Variants in DCLK1 observed in about 807,000 individuals in gnomAD.
DCLK1 encodes the protein serine/threonine-protein kinase DCLK1.
In DCLK1, 16 loss-of-function variants were observed where a neutral mutation model predicts 86.2. That is an observed-to-expected ratio of 0.19 (90% confidence interval 0.13 to 0.28). The LOEUF is 0.28. Among genes scored for constraint, DCLK1 ranks in the 10% least tolerant of loss-of-function variants. The probability of loss-of-function intolerance (pLI) is 1.00; values close to 1 mark genes in which losing one functional copy is unlikely to be tolerated. For missense variants in DCLK1, 590 were observed against 940.2 expected (o/e 0.63, Z 4.87); for synonymous variants, 369 against 370.5 (o/e 1.00, Z 0.05).
Position 36,121,063 on chromosome 13 carries a change from TA to T in DCLK1, c.376+4698del, listed in dbSNP as rs577856172. On this transcript the variant is annotated intron_variant, in intron 2 of 16. Coordinates refer to ENST00000360631, the MANE Select transcript of DCLK1 (RefSeq NM_001330071.2). The stretch of plus-strand genomic sequence containing the variant: ...TGACTGGAAAACATCTATCCAAGGA[TA>T]GTCATCACACAACTGTCTGTAATAA... Among the ~76,000 whole-genome samples, 10 of 152,324 alleles carry T rather than the reference TA, an allele frequency of 6.6e-5. No individual in the cohort carries two copies. The South Asian group carries it at 1.0e-3, about 16-fold the overall frequency.
chr13:35,795,499 C>G (rs1410824387), intron 15 of DCLK1, among the ~76,000 whole-genome samples: 9 of 152,148 alleles, frequency 5.9e-5, no homozygotes, highest in Non-Finnish European at 1.0e-4. Context: ...AGTACATTAT[C>G]CAGCTCTTGG....
At chr13:36,043,146 A>C (rs1427955433) in intron 3 of DCLK1, among the ~76,000 whole-genome samples, 1 of 152,190 alleles carries the variant, frequency 6.6e-6, no homozygotes, top group Non-Finnish European at 1.5e-5. Context: ...GAAAGTAAAG[A>C]TACAGTCATT....
intron 15 of DCLK1, among the ~76,000 whole-genome samples, chr13:35,798,263 T>C (rs1343431824): frequency 1.3e-5 from 2 of 152,180 alleles, no homozygotes; most frequent in African/African-American, 2.4e-5. Context: ...CTCTGTAGTG[T>C]AGAATTCCTC....
chr13:36,020,791 CA>C lies in DCLK1; in HGVS notation c.724-73335del, dbSNP rs1179417168. On this transcript the variant is annotated intron_variant, in intron 3 of 16. Transcript: ENST00000360631. ...ATCCAGCTAAACTATCCTTCAAAAA[CA>C]AAAACAAAGAAAAACCCCAAACAGA... 5.3e-5 allele frequency among the ~76,000 whole-genome samples: 8 copies of C among 151,606 alleles called. No individual in the cohort carries two copies. In the East Asian group the frequency reaches 1.5e-3, roughly 29 times the overall value.
At chr13:35,994,020 T>A (rs1490014739) in intron 3 of DCLK1, among the ~76,000 whole-genome samples, 2 of 151,590 alleles carry the variant, frequency 1.3e-5, no homozygotes, top group Non-Finnish European at 2.9e-5. Flanking sequence ...TACTTTTCTC[T>A]CATCTGCAAA....
chr13:36,038,519 C>CG (rs1882588767), intron 3 of DCLK1, among the ~76,000 whole-genome samples: 1 of 152,212 alleles, frequency 6.6e-6, no homozygotes, highest in South Asian at 2.1e-4. Context: ...TTCTTTGGCA[C>CG]ATACCTGTTT....
chr13:36,119,697 G>T (rs1482080945), intron 2 of DCLK1, among the ~76,000 whole-genome samples: 2 of 152,120 alleles, frequency 1.3e-5, no homozygotes, highest in Non-Finnish European at 2.9e-5. Context: ...TAACTGACTG[G>T]TATTCTTCAA....
chr13:36,096,446 A>T (rs901273852), intron 3 of DCLK1, among the ~76,000 whole-genome samples: 1 of 152,224 alleles, frequency 6.6e-6, no homozygotes, highest in Middle Eastern at 3.2e-3. Flanking sequence ...AGTGAACATA[A>T]TCCCCCAGGT....
intron 2 of DCLK1, among the ~76,000 whole-genome samples, chr13:36,122,276 T>A (rs771005886): frequency 2.0e-5 from 3 of 151,906 alleles, no homozygotes; most frequent in African/African-American, 4.8e-5. Flanking sequence ...AGCTCCAGAG[T>A]CAGGCAACGT....
At chr13:35,805,435 C>T (rs1303047933) in intron 15 of DCLK1, 4 of 362,176 alleles carry the variant, frequency 1.1e-5, no homozygotes, top group Non-Finnish European at 5.0e-6. Context: ...TAGCTGGGAC[C>T]ACAGGCTTGT....
At chr13:36,077,024 G>C (rs528843160) in intron 3 of DCLK1, among the ~76,000 whole-genome samples, 112 of 150,950 alleles carry the variant, frequency 7.4e-4, no homozygotes, top group African/African-American at 2.6e-3. Context: ...AGGAGAAAGA[G>C]AGGAGGAGGA....
chr13:35,860,790 G>A lies in DCLK1; in HGVS notation c.941-6197C>T, dbSNP rs1292215926. 2.0e-5 allele frequency among the ~76,000 whole-genome samples: 3 copies of A among 152,312 alleles called. No individual in the cohort carries two copies. The East Asian group carries it at 5.8e-4, about 29-fold the overall frequency. On this transcript the variant is annotated intron_variant, in intron 5 of 16. Coordinates refer to ENST00000360631, the MANE Select transcript of DCLK1 (RefSeq NM_001330071.2). ...ACGTGTCATCTGTGAATCAGCTGCT[G>A]CAGTACTGCAGGGCTGGGGAAGACC...
At position 35,871,318 on chromosome 13, in the gene DCLK1, A is replaced by G; in HGVS notation, c.846T>C (p.Thr282=). The change falls in exon 5 of 17, where the codon ACT becomes ACC. Residue 282 remains threonine, a synonymous_variant. Coordinates refer to ENST00000360631, the MANE Select transcript of DCLK1 (RefSeq NM_001330071.2). The part of the protein sequence containing the change: ...DESECRVVKS[T]SYTKIASSSR... ...ATGATGAAGCTATTTTGGTGTAAGA[A>G]GTGGACTTTACCACTCGACATTCTG... 6.2e-7 allele frequency: 1 copy of G among 1,613,962 alleles called. No homozygotes were observed.
At chr13:35,825,598 G>A (rs1462588520) in intron 10 of DCLK1, among the ~76,000 whole-genome samples, 1 of 152,068 alleles carries the variant, frequency 6.6e-6, no homozygotes, top group East Asian at 1.9e-4. Context: ...GTGGGGGTAA[G>A]TCAATAATAA....
chr13:36,014,435 A>C (rs969078730), intron 3 of DCLK1, among the ~76,000 whole-genome samples: 1 of 152,136 alleles, frequency 6.6e-6, no homozygotes, highest in Non-Finnish European at 1.5e-5. Flanking sequence ...CAGCCGATAA[A>C]AACTGTTTTT....
intron 4 of DCLK1, among the ~76,000 whole-genome samples, chr13:35,911,069 A>G (rs1300049267): frequency 6.7e-6 from 1 of 150,096 alleles, no homozygotes; most frequent in African/African-American, 2.5e-5. Flanking sequence ...GGATCACAAG[A>G]TCAGGAGATC....
At chr13:35,789,628 T>C (rs1468282335) in intron 16 of DCLK1, among the ~76,000 whole-genome samples, 2 of 152,240 alleles carry the variant, frequency 1.3e-5, no homozygotes, top group Non-Finnish European at 2.9e-5. Flanking sequence ...AACGCTCTAT[T>C]TGCATGAGCA....
chr13:35,832,452 T>C (rs1566557190), intron 8 of DCLK1, among the ~76,000 whole-genome samples: 1 of 152,202 alleles, frequency 6.6e-6, no homozygotes, highest in Non-Finnish European at 1.5e-5. Context: ...TCCTCTCCCA[T>C]AGCATTCATT....
intron 4 of DCLK1, among the ~76,000 whole-genome samples, chr13:35,937,709 T>TG (rs1394009167): frequency 6.6e-6 from 1 of 152,132 alleles, no homozygotes; most frequent in Non-Finnish European, 1.5e-5. Flanking sequence ...CCTCAAAGGA[T>TG]GGGGGAAGAC....
Sources: gnomAD v4.1 joint callset for allele counts (sites outside exome capture counted in the v4.1 genomes callset) on GRCh38, gnomAD v4.1.1 for gene constraint, MANE v1.5 for transcripts, NCBI Gene and HGNC (gene_info 2026-07-23, HGNC 2026-07-21) for gene names.